Variants in CPD observed in about 807,000 individuals in gnomAD.
The protein encoded by CPD is metallocarboxypeptidase D.
A neutral mutation model predicts 138.3 loss-of-function variants in CPD; 69 were observed. That is an observed-to-expected ratio of 0.50 (90% confidence interval 0.41 to 0.61). CPD has a LOEUF of 0.61. Ranked by LOEUF, CPD falls within the 20% of genes least tolerant of loss-of-function variation. The pLI, the probability that CPD is intolerant of heterozygous loss-of-function variation, is 0.00. For missense variants in CPD, 1,432 were observed against 1,733.3 expected (o/e 0.83, Z 3.09); for synonymous variants, 651 against 642.1 (o/e 1.01, Z -0.21).
intron 12 of CPD, among the ~76,000 whole-genome samples, chr17:30,447,392 G>A (rs1913059734): frequency 2.0e-5 from 3 of 152,124 alleles, no homozygotes; most frequent in Admixed American, 2.0e-4. Context: ...CTTTTTAATA[G>A]TGAATCTTGG....
chr17:30,444,051 C>T (rs2143471632), intron 11 of CPD, 80 bp downstream of exon 11: 1 of 1,454,658 alleles, frequency 6.9e-7, no homozygotes, highest in East Asian at 2.3e-5. Context: ...CTAGAACGTT[C>T]TAGAGAGCCT....
chr17:30,450,501 GGCT>G (rs1341767595), intron 13 of CPD, among the ~76,000 whole-genome samples: 1 of 152,088 alleles, frequency 6.6e-6, no homozygotes, highest in Non-Finnish European at 1.5e-5. Context: ...TGGACATCTT[GGCT>G]GCTAAGAGAT....
intron 2 of CPD, 125 bp from the exon 3 acceptor site, chr17:30,420,716 C>T: frequency 1.2e-6 from 1 of 820,020 alleles, no homozygotes; most frequent in South Asian, 2.2e-5. Flanking sequence ...TCTCCAATTT[C>T]AAACAATTTA....
chr17:30,435,877 A>G (rs1466282172), intron 8 of CPD, among the ~76,000 whole-genome samples: 2 of 152,112 alleles, frequency 1.3e-5, no homozygotes, highest in East Asian at 1.9e-4. Context: ...TTTGCTGGCA[A>G]CCATTGGCAT....
intron 12 of CPD, among the ~76,000 whole-genome samples, chr17:30,447,003 C>A (rs987441744): frequency 6.6e-6 from 1 of 152,140 alleles, no homozygotes; most frequent in Admixed American, 6.5e-5. Context: ...ATATCCTTCA[C>A]CCACTTTTTG....
rs1301632118 is a variant in CPD at position 30,467,437 on chromosome 17, A to G, written c.*2623A>G. 3 of 152,186 alleles carry G rather than the reference A, an allele frequency of 2.0e-5. No individual in the cohort carries two copies. The highest frequency in any genetic ancestry group is 2.4e-5 in the African/African-American group (1 of 41,454). The allele number at this position is 152,186 out of a possible 1,614,324, so 9.4% of individuals were successfully genotyped here. ...GTCATTTCAGAAAGAAAGACCCTTC[A>G]GTTTTGATGCATTTTGCTGAACACT... On this transcript the variant is annotated 3_prime_UTR_variant, in exon 21 of 21. Transcript: ENST00000225719.
At chr17:30,458,098 G>A (rs1307756258) in intron 17 of CPD, among the ~76,000 whole-genome samples, 1 of 152,082 alleles carries the variant, frequency 6.6e-6, no homozygotes, top group East Asian at 1.9e-4. Flanking sequence ...GGAGGCTGAG[G>A]CAGGAGAATC....
chr17:30,423,809 T>C, intron 6 of CPD, 112 bp downstream of exon 6: 1 of 817,356 alleles, frequency 1.2e-6, no homozygotes, highest in Non-Finnish European at 1.8e-6. Context: ...TTTTTTTTCC[T>C]TTTAATTTAT....
chr17:30,421,722 A>T lies in CPD; in HGVS notation c.1196A>T (p.Asn399Ile). 1 of 1,613,682 alleles carries T rather than the reference A, an allele frequency of 6.2e-7. No homozygotes were observed. Among genetic ancestry groups the T allele is most frequent in the Non-Finnish European group, 8.5e-7 (1 of 1,179,644 alleles). ...KDSITGSGLENATISVAGINH... is the reference protein window; with the variant it reads ...KDSITGSGLEIATISVAGINH... ...TCCATAACAGGATCTGGGTTAGAGA[A>T]TGCAACCATCTCAGTGGCTGGTATT... The change falls in exon 4 of 21, where the codon AAT becomes ATT. Residue 399 changes from asparagine (N) to isoleucine (I), a missense_variant. Physicochemically the swap from Asn to Ile is moderately radical, Grantham distance 149. Transcript: ENST00000225719.
At chr17:30,381,503 T>C (rs1008209950) in intron 1 of CPD, among the ~76,000 whole-genome samples, 2 of 152,240 alleles carry the variant, frequency 1.3e-5, no homozygotes, top group Non-Finnish European at 2.9e-5. Context: ...TCTTCAAATA[T>C]GTAACTCTCA....
rs1020900199 is a variant in CPD, at chr17:30,467,539, C to T, written c.*2725C>T. ...GAAGGGATTTGCTTTGGGACTTTGT[C>T]ATCTTCCAGAAAGGAAACATATTGT... On this transcript the variant is annotated 3_prime_UTR_variant, in exon 21 of 21. Coordinates refer to ENST00000225719, the MANE Select transcript of CPD (RefSeq NM_001304.5). The T allele has an allele frequency of 6.6e-6, 1 of 152,140 alleles. No homozygotes were observed. Among genetic ancestry groups the T allele is most frequent in the Non-Finnish European group, 1.5e-5 (1 of 68,004 alleles). 9.4% of individuals were successfully genotyped at this position (152,140 alleles called of 1,614,324 possible).
chr17:30,414,191 ATC>A (rs1912043474), intron 2 of CPD, among the ~76,000 whole-genome samples: 1 of 152,230 alleles, frequency 6.6e-6, no homozygotes, highest in Non-Finnish European at 1.5e-5. Context: ...GAGAAATAAC[ATC>A]TGACTTGCAT....
At position 30,400,171 on chromosome 17, in the gene CPD, T is replaced by C. The variant is rs562866649; in HGVS notation, c.994+14935T>C. Reference sequence around the variant, plus strand: ...AGGTCTACTTTCTCATTTTTCAGTTTGCCTCTCTCATTTTAATCCCACTGC... The same window carrying C: ...AGGTCTACTTTCTCATTTTTCAGTTCGCCTCTCTCATTTTAATCCCACTGC... On this transcript the variant is annotated intron_variant, in intron 2 of 20. Transcript: ENST00000225719. Among the ~76,000 whole-genome samples the C allele has an allele frequency of 2.7e-3, 415 of 152,302 alleles. 10 individuals are homozygous for C. In the South Asian group the frequency reaches 0.054, roughly 20 times the overall value.
intron 7 of CPD, among the ~76,000 whole-genome samples, chr17:30,431,128 T>C (rs1003870685): frequency 6.6e-6 from 1 of 152,192 alleles, no homozygotes; most frequent in Non-Finnish European, 1.5e-5. Flanking sequence ...CCACCACTTA[T>C]TATTTTCTAT....
intron 2 of CPD, among the ~76,000 whole-genome samples, chr17:30,409,226 A>G (rs1015400583): frequency 6.6e-6 from 1 of 152,182 alleles, no homozygotes; most frequent in Non-Finnish European, 1.5e-5. Flanking sequence ...CGTGGTGGAT[A>G]AGCTTTTTGA....
intron 2 of CPD, among the ~76,000 whole-genome samples, chr17:30,410,910 C>G (rs1911948634): frequency 6.6e-6 from 1 of 151,604 alleles, no homozygotes; most frequent in Non-Finnish European, 1.5e-5. Context: ...ATGATGTTAG[C>G]TGGTTATTTT....
chr17:30,451,887 A>G, intron 14 of CPD, 41 bp downstream of exon 14: 6 of 1,580,046 alleles, frequency 3.8e-6, no homozygotes, highest in Non-Finnish European at 5.2e-6. Flanking sequence ...TTAGGAGATA[A>G]TTTTCTTTCT....
chr17:30,394,206 TA>T (rs1911438253), intron 2 of CPD, among the ~76,000 whole-genome samples: 1 of 138,260 alleles, frequency 7.2e-6, no homozygotes. Flanking sequence ...ACAGGGTTCA[TA>T]GGATCAAGTC....
chr17:30,428,008 G>A (rs963987160), intron 7 of CPD, among the ~76,000 whole-genome samples: 1 of 151,476 alleles, frequency 6.6e-6, no homozygotes, highest in South Asian at 2.1e-4. Flanking sequence ...TGGGAACTTG[G>A]TAACATATTC....
Sources: allele counts gnomAD v4.1 joint callset (sites outside exome capture counted in the v4.1 genomes callset), GRCh38; gene constraint gnomAD v4.1.1; transcripts MANE v1.5; gene names NCBI Gene and HGNC (gene_info 2026-07-23, HGNC 2026-07-21).